The following COL24A1 variants were observed in gnomAD, a reference collection of about 807,000 sequenced individuals.
The protein encoded by COL24A1 is collagen type XXIV alpha 1 chain, also known as collagen alpha-1(XXIV) chain.
In COL24A1, 224 loss-of-function variants were observed where a neutral mutation model predicts 253.9. The observed-to-expected ratio is 0.88, with a 90% CI of 0.79 to 0.99. The LOEUF is 0.99. Among genes scored for constraint, COL24A1 ranks in the 50% least tolerant of loss-of-function variants. COL24A1 has a pLI of 0.00. For missense variants in COL24A1, 2,131 were observed against 2,068.5 expected (o/e 1.03, Z -0.59); for synonymous variants, 685 against 673.7 (o/e 1.02, Z -0.26).
intron 20 of COL24A1, among the ~76,000 whole-genome samples, chr1:85,977,697 A>G (rs959298725): frequency 6.6e-6 from 1 of 152,174 alleles, no homozygotes; most frequent in African/African-American, 2.4e-5. Context: ...GAACAACAAA[A>G]AAAGAAGAAA....
intron 7 of COL24A1, among the ~76,000 whole-genome samples, chr1:86,075,927 A>C (rs1398899562): frequency 6.6e-6 from 1 of 152,204 alleles, no homozygotes; most frequent in Non-Finnish European, 1.5e-5. Flanking sequence ...ACAAACCCAC[A>C]GCCAATATCA....
intron 1 of COL24A1, among the ~76,000 whole-genome samples, chr1:86,147,677 A>G (rs1652090738): frequency 6.6e-6 from 1 of 152,274 alleles, no homozygotes; most frequent in African/African-American, 2.4e-5. Flanking sequence ...TGCAGGATGC[A>G]TACATTTTAA....
chr1:85,981,230 C>T (rs905269788), intron 20 of COL24A1, among the ~76,000 whole-genome samples: 3 of 152,102 alleles, frequency 2.0e-5, no homozygotes, highest in Admixed American at 2.0e-4. Context: ...TGGAGCATCG[C>T]ATTACCTGAC....
chr1:86,086,785 G>A (rs965506916), intron 7 of COL24A1, among the ~76,000 whole-genome samples: 1 of 152,156 alleles, frequency 6.6e-6, no homozygotes, highest in South Asian at 2.1e-4. Context: ...ACCATAAGGA[G>A]TATGACACAA....
chr1:85,946,328 C>T (rs898955398), intron 24 of COL24A1, among the ~76,000 whole-genome samples: 2 of 152,074 alleles, frequency 1.3e-5, no homozygotes, highest in East Asian at 1.9e-4. Context: ...ACACCATGTG[C>T]CTTTTGCCTT....
intron 24 of COL24A1, among the ~76,000 whole-genome samples, chr1:85,944,274 C>G: frequency 6.6e-6 from 1 of 152,038 alleles, no homozygotes; most frequent in East Asian, 1.9e-4. Flanking sequence ...ACTTTTTGAC[C>G]TATTTATTTA....
At chr1:85,774,221 G>A (rs547706832) in intron 53 of COL24A1, among the ~76,000 whole-genome samples, 15 of 152,212 alleles carry the variant, frequency 9.9e-5, no homozygotes, top group African/African-American at 2.4e-4. Flanking sequence ...GAATGAAGGC[G>A]ACTTGATCGT....
At position 86,112,856 on chromosome 1, in the gene COL24A1, C is replaced by G. The variant is rs1415216095; in HGVS notation, c.1546-236G>C. Among the ~76,000 whole-genome samples the G allele has an allele frequency of 3.9e-5, 6 of 152,196 alleles. No individual in the cohort carries two copies. The East Asian group carries it at 1.2e-3, about 29-fold the overall frequency. On this transcript the variant is annotated intron_variant, in intron 4 of 59. Coordinates refer to ENST00000370571, the MANE Select transcript of COL24A1 (RefSeq NM_152890.7). Reference sequence around the variant, plus strand: ...GCCACAAGAACATGAAGCAATATCTCTCTCCTACTAATTTCCGTAGAAATT... The same window carrying G: ...GCCACAAGAACATGAAGCAATATCTGTCTCCTACTAATTTCCGTAGAAATT...
rs138039179 is a variant in COL24A1, at chr1:85,963,164, T to C, written c.2517+1845A>G. On this transcript the variant is annotated intron_variant, in intron 23 of 59. Transcript: ENST00000370571. ...TGATTTTAAGCACTGAAACCTAATA[T>C]TCATCATGAGTGATCACTGAAATAA... Among the ~76,000 whole-genome samples, 14 of 152,248 alleles carry C rather than the reference T, an allele frequency of 9.2e-5. 1 individual carries two copies. In the East Asian group the frequency reaches 2.7e-3, roughly 29 times the overall value.
At chr1:86,006,315 T>C (rs1027008771) in intron 19 of COL24A1, among the ~76,000 whole-genome samples, 2 of 152,022 alleles carry the variant, frequency 1.3e-5, no homozygotes, top group Non-Finnish European at 2.9e-5. Flanking sequence ...AACAGATAAG[T>C]AGATGAGCGG....
At chr1:85,799,520 G>T (rs1184813753) in intron 47 of COL24A1, among the ~76,000 whole-genome samples, 1 of 151,776 alleles carries the variant, frequency 6.6e-6, no homozygotes, top group Non-Finnish European at 1.5e-5. Context: ...GTAGGTTTGA[G>T]AAATACTTCT....
At chr1:85,913,967 A>G (rs1386126039) in intron 24 of COL24A1, among the ~76,000 whole-genome samples, 6 of 152,224 alleles carry the variant, frequency 3.9e-5, no homozygotes, top group African/African-American at 1.4e-4. Flanking sequence ...GTCTAAGATC[A>G]AGGCACCAGT....
intron 42 of COL24A1, 151 bp from the exon 43 acceptor site, chr1:85,838,789 T>C: frequency 3.4e-6 from 2 of 582,592 alleles, no homozygotes; most frequent in South Asian, 2.8e-5. Flanking sequence ...TTTCAAAATA[T>C]TGAATTTCAA....
chr1:85,986,332 T>C (rs532710813), intron 20 of COL24A1, among the ~76,000 whole-genome samples: 1 of 151,888 alleles, frequency 6.6e-6, no homozygotes, highest in East Asian at 1.9e-4. Context: ...TTGCCTAGTT[T>C]TCCTGTCTTC....
At chr1:85,838,687 A>G (rs1676282019) in intron 42 of COL24A1, 49 bp from the exon 43 acceptor site, 1 of 1,528,340 alleles carries the variant, frequency 6.5e-7, no homozygotes, top group East Asian at 2.3e-5. Context: ...GGATCAAAGT[A>G]TATGCGAATG....
At chr1:85,823,932 T>TTTTC (rs762249294) in intron 43 of COL24A1, among the ~76,000 whole-genome samples, 194 bp from the exon 44 acceptor site, 24 of 151,716 alleles carry the variant, frequency 1.6e-4, no homozygotes, top group African/African-American at 4.6e-4. Flanking sequence ...CAAGTTAGGG[T>TTTTC]TTTCTTTCTT....
chr1:86,098,398 A>G (rs1704173836), intron 5 of COL24A1, among the ~76,000 whole-genome samples: 1 of 92,974 alleles, frequency 1.1e-5, no homozygotes, highest in African/African-American at 3.5e-5. Context: ...CTTCCCCCAA[A>G]TGCTGGATAT....
At chr1:86,128,942 C>T (rs1215396885) in intron 2 of COL24A1, among the ~76,000 whole-genome samples, 1 of 151,656 alleles carries the variant, frequency 6.6e-6, no homozygotes, top group Non-Finnish European at 1.5e-5. Flanking sequence ...TCTTATTGTC[C>T]TATATTTATC....
In COL24A1 at chr1:86,116,169, T is replaced by C. The variant is rs117690169; in HGVS notation, c.1492-791A>G. ...TTCATTCATTCATCTGTTCATTCAT[T>C]CAATTGTTACTGAGCACTCTGTGAT... On this transcript the variant is annotated intron_variant, in intron 3 of 59. Coordinates refer to ENST00000370571, the MANE Select transcript of COL24A1 (RefSeq NM_152890.7). 9.0e-3 allele frequency among the ~76,000 whole-genome samples: 1,375 copies of C among 152,224 alleles called. 24 individuals are homozygous for C. Among genetic ancestry groups the C allele is most frequent in the East Asian group, 0.074 (385 of 5,194 alleles).
Sources: gnomAD v4.1 joint callset for allele counts (sites outside exome capture counted in the v4.1 genomes callset) on GRCh38, gnomAD v4.1.1 for gene constraint, MANE v1.5 for transcripts, NCBI Gene and HGNC (gene_info 2026-07-23, HGNC 2026-07-21) for gene names.